WWOX: variants seen among roughly 807,000 people sequenced by gnomAD.
WWOX encodes WW domain-containing oxidoreductase.
WWOX carries 69 observed loss-of-function variants against 46.2 expected under a neutral mutation model. The observed-to-expected ratio is 1.49, with a 90% confidence interval of 1.23 to 1.82. The LOEUF is 1.82. WWOX is among the 40% of genes most tolerant of loss of function. WWOX has a pLI of 0.00. For synonymous variants in WWOX, 359 were observed against 202.6 expected, an observed-to-expected ratio of 1.77 and a Z score of -6.56; for missense variants, 919 against 542.6, an observed-to-expected ratio of 1.69 and a Z score of -6.89.
At chr16:79,195,886 G>A (rs1399137741) in intron 8 of WWOX, among the ~76,000 whole-genome samples, 1 of 152,188 alleles carries the variant, frequency 6.6e-6, no homozygotes, top group Non-Finnish European at 1.5e-5. Flanking sequence ...TTCATTTCCT[G>A]CGTCACTGTT....
At chr16:78,720,090 T>G (rs1263932792) in intron 8 of WWOX, among the ~76,000 whole-genome samples, 3 of 152,234 alleles carry the variant, frequency 2.0e-5, no homozygotes, top group Admixed American at 1.3e-4. Context: ...ATTGTTATTC[T>G]GCAAGTTGAA....
At chr16:79,067,411 C>T (rs943020285) in intron 8 of WWOX, among the ~76,000 whole-genome samples, 1 of 152,136 alleles carries the variant, frequency 6.6e-6, no homozygotes, top group Non-Finnish European at 1.5e-5. Context: ...CCTCCTTGAC[C>T]TTTCTTAAAA....
At chr16:78,851,680 A>T (rs2052447515) in intron 8 of WWOX, among the ~76,000 whole-genome samples, 1 of 152,226 alleles carries the variant, frequency 6.6e-6, no homozygotes. Flanking sequence ...ATACGTTTCA[A>T]AATACAAGGT....
intron 8 of WWOX, among the ~76,000 whole-genome samples, chr16:78,787,109 C>G (rs2050476595): frequency 6.6e-6 from 1 of 152,176 alleles, no homozygotes; most frequent in African/African-American, 2.4e-5. Flanking sequence ...GATTGCACCA[C>G]TGGACTCCAG....
intron 8 of WWOX, among the ~76,000 whole-genome samples, chr16:78,941,888 A>G (rs2045859013): frequency 6.6e-6 from 1 of 152,136 alleles, no homozygotes; most frequent in Non-Finnish European, 1.5e-5. Context: ...TTTAGGCCTT[A>G]ATTTAATTAC....
At chr16:78,386,807 A>G (rs1673769463) in intron 5 of WWOX, 53 bp from the exon 6 acceptor site, 12 of 1,502,842 alleles carry the variant, frequency 8.0e-6, no homozygotes, top group Non-Finnish European at 1.0e-5. Context: ...ACTTGATACC[A>G]TGAACTACAC....
chr16:78,425,032 TGTG>T lies in WWOX; in HGVS notation c.771_773del (p.Val258del). On this transcript the variant is annotated inframe_deletion, in exon 7 of 9. Coordinates refer to ENST00000566780, the MANE Select transcript of WWOX (RefSeq NM_016373.4). ...GCCGCTCAGCTCCTGCCCGTGTCAT[TGTG>T]GTCTCCTCAGAGTCCCATCGGTGGG... 4 of 1,613,852 alleles carry T rather than the reference TGTG, an allele frequency of 2.5e-6. No homozygotes were observed. Among genetic ancestry groups the T allele is most frequent in the East Asian group, 4.5e-5 (2 of 44,872 alleles).
chr16:78,665,694 C>T (rs993089722), intron 8 of WWOX, among the ~76,000 whole-genome samples: 2 of 152,094 alleles, frequency 1.3e-5, no homozygotes, highest in South Asian at 2.1e-4. Context: ...TTGTGCTTCT[C>T]TGATGTGGCT....
chr16:78,565,170 A>T (rs922640242), intron 8 of WWOX, among the ~76,000 whole-genome samples: 4 of 152,234 alleles, frequency 2.6e-5, no homozygotes, highest in Non-Finnish European at 5.9e-5. Context: ...CTAAGTTTGA[A>T]GTCTAACTCC....
At chr16:78,802,649 C>G (rs146446273) in intron 8 of WWOX, among the ~76,000 whole-genome samples, 1 of 151,990 alleles carries the variant, frequency 6.6e-6, no homozygotes, top group East Asian at 1.9e-4. Context: ...GCCACCGTGC[C>G]TCATGCCTGT....
intron 8 of WWOX, among the ~76,000 whole-genome samples, chr16:78,949,024 A>G (rs539938240): frequency 6.6e-6 from 1 of 152,284 alleles, no homozygotes; most frequent in South Asian, 2.1e-4. Flanking sequence ...GGCGGCCCTC[A>G]GAAGCTAAGA....
At chr16:78,595,650 T>G (rs1469830359) in intron 8 of WWOX, among the ~76,000 whole-genome samples, 1 of 152,224 alleles carries the variant, frequency 6.6e-6, no homozygotes, top group Non-Finnish European at 1.5e-5. Flanking sequence ...GTCTTGATGA[T>G]GAGCCATACT....
chr16:79,012,445 C>G (rs559029938), intron 8 of WWOX, among the ~76,000 whole-genome samples: 2 of 152,266 alleles, frequency 1.3e-5, no homozygotes, highest in East Asian at 1.9e-4. Flanking sequence ...ATTGGCCAGG[C>G]TGGTCTCGAA....
intron 8 of WWOX, chr16:79,206,704 G>A (rs960023226): frequency 1.3e-5 from 2 of 152,196 alleles, no homozygotes; most frequent in African/African-American, 2.4e-5. Context: ...GTGGAAGTTG[G>A]TGTGTTCGTT....
intron 8 of WWOX, among the ~76,000 whole-genome samples, chr16:78,870,100 C>T (rs1013613132): frequency 6.6e-6 from 1 of 152,116 alleles, no homozygotes. Context: ...TGTGTAAGGC[C>T]AGGCCTAAGT....
intron 8 of WWOX, among the ~76,000 whole-genome samples, chr16:79,030,300 C>G (rs1221799966): frequency 2.0e-5 from 3 of 152,160 alleles, no homozygotes; most frequent in African/African-American, 4.8e-5. Flanking sequence ...ATTAGGGTTT[C>G]TCTCCTCCAG....
intron 8 of WWOX, among the ~76,000 whole-genome samples, chr16:78,696,331 G>A (rs920716840): frequency 6.6e-5 from 10 of 152,154 alleles, no homozygotes; most frequent in African/African-American, 2.4e-4. Context: ...CTGCACCTGA[G>A]TACCAGGCAG....
intron 5 of WWOX, among the ~76,000 whole-genome samples, chr16:78,315,450 A>T (rs1389663080): frequency 6.6e-6 from 1 of 152,086 alleles, no homozygotes; most frequent in Non-Finnish European, 1.5e-5. Flanking sequence ...GGAGTTCGAG[A>T]CCAGCCCGGC....
Position 79,211,776 on chromosome 16 carries a change from C to T in WWOX, c.1225C>T (p.Leu409Phe). Residue 409 changes from leucine to phenylalanine, a missense_variant, in exon 9 of 9, where the codon CTT (leucine) becomes TTT (phenylalanine). Coordinates refer to ENST00000566780, the MANE Select transcript of WWOX (RefSeq NM_016373.4). ...CAGCGAGAGGCTGATCCAAGAACGG[C>T]TTGGCAGCCAGTCCGGCTAAGTGGA... is the stretch of plus-strand genomic sequence containing the variant. ...ALSERLIQER[L>F]GSQSG 1 of 1,614,124 alleles carries T rather than the reference C, an allele frequency of 6.2e-7. No individual in the cohort carries two copies. The highest frequency in any genetic ancestry group is 1.6e-4 in the Middle Eastern group (1 of 6,062).
Sources: allele counts gnomAD v4.1 joint callset (sites outside exome capture counted in the v4.1 genomes callset), GRCh38; gene constraint gnomAD v4.1.1; transcripts MANE v1.5; gene names NCBI Gene and HGNC (gene_info 2026-07-23, HGNC 2026-07-21).